WDPCP: variants seen among roughly 807,000 people sequenced by gnomAD.
The protein encoded by WDPCP is WD repeat containing planar cell polarity effector.
A neutral mutation model predicts 93.1 loss-of-function variants in WDPCP; 71 were observed. The ratio of observed to expected loss-of-function variants is 0.76; its 90% CI spans 0.63 to 0.93. The LOEUF (loss-of-function observed/expected upper bound fraction) is 0.93, where lower values mean the gene tolerates loss of function less well. Among genes scored for constraint, WDPCP ranks in the 40% least tolerant of loss-of-function variants. The pLI, the probability that WDPCP is intolerant of heterozygous loss-of-function variation, is 0.00. For missense variants in WDPCP, 844 were observed against 887.4 expected (o/e 0.95, Z 0.62); for synonymous variants, 315 against 315.0 (o/e 1.00, Z 0.00).
intron 9 of WDPCP, among the ~76,000 whole-genome samples, chr2:63,421,733 G>T (rs1695877141): frequency 6.6e-6 from 1 of 151,928 alleles, no homozygotes; most frequent in Admixed American, 6.6e-5. Flanking sequence ...TAAACTAAAG[G>T]GCAAAACCCA....
At chr2:63,815,443 T>C (rs557879454) in intron 1 of WDPCP, among the ~76,000 whole-genome samples, 55 of 152,344 alleles carry the variant, frequency 3.6e-4, no homozygotes, top group African/African-American at 1.2e-3. Context: ...TAAGATACTC[T>C]TTTCCTTATT....
Position 63,259,006 on chromosome 2 carries a change from G to T in WDPCP, c.1915+301C>A, listed in dbSNP as rs181053839. On this transcript the variant is annotated intron_variant, in intron 14 of 17. Transcript: ENST00000272321. The stretch of plus-strand genomic sequence containing the variant: ...TAAATTTCTGTGTTGGTTAATTTTA[G>T]TAACAGCACTATGATAATACTAAGC... Among the ~76,000 whole-genome samples, 325 of 152,214 alleles carry T rather than the reference G, an allele frequency of 2.1e-3. 1 individual carries two copies. Among genetic ancestry groups the T allele is most frequent in the Non-Finnish European group, 3.7e-3 (250 of 68,000 alleles).
At chr2:63,614,856 T>C (rs1435478258) in intron 3 of WDPCP, among the ~76,000 whole-genome samples, 2 of 152,240 alleles carry the variant, frequency 1.3e-5, no homozygotes, top group African/African-American at 4.8e-5. Context: ...CATTAGATCA[T>C]ACCCTGTATC....
intron 1 of WDPCP, 131 bp downstream of exon 1, chr2:63,588,066 C>T: frequency 8.7e-7 from 1 of 1,148,062 alleles, no homozygotes; most frequent in Non-Finnish European, 1.3e-6. Context: ...CCCTCATACT[C>T]CGCTCAGAAA....
intron 1 of WDPCP, among the ~76,000 whole-genome samples, chr2:63,826,028 C>T (rs983785368): frequency 3.3e-5 from 5 of 151,994 alleles, no homozygotes. Context: ...ACAAATATTT[C>T]CTGACACAAA....
chr2:63,828,800 T>C (rs180805534), upstream of WDPCP, among the ~76,000 whole-genome samples: 213 of 152,310 alleles, frequency 1.4e-3, no homozygotes, highest in Admixed American at 3.8e-3. Flanking sequence ...TGTTTTAAAC[T>C]CTTGCCCCTG....
intron 13 of WDPCP, among the ~76,000 whole-genome samples, chr2:63,265,779 C>A (rs189691465): frequency 1.9e-4 from 29 of 152,198 alleles, no homozygotes; most frequent in Non-Finnish European, 2.1e-4. Flanking sequence ...ACTATCAAAC[C>A]AAATTCAGTG....
chr2:63,296,868 C>A (rs1219194401), intron 13 of WDPCP, among the ~76,000 whole-genome samples: 1 of 152,066 alleles, frequency 6.6e-6, no homozygotes, highest in African/African-American at 2.4e-5. Context: ...CCACACAGCC[C>A]AAAGCAATCT....
intron 2 of WDPCP, among the ~76,000 whole-genome samples, chr2:63,688,378 G>A (rs1668841318): frequency 6.6e-6 from 1 of 151,660 alleles, no homozygotes; most frequent in Non-Finnish European, 1.5e-5. Flanking sequence ...AGTGAGCCGA[G>A]ATCGCTCCAC....
chr2:63,549,435 G>T (rs947462843), intron 1 of WDPCP, among the ~76,000 whole-genome samples: 1 of 151,168 alleles, frequency 6.6e-6, no homozygotes, highest in Non-Finnish European at 1.5e-5. Flanking sequence ...ATGGAAACTA[G>T]AAAAAAAAAT....
chr2:63,665,354 C>T (rs1263797995), intron 2 of WDPCP, among the ~76,000 whole-genome samples: 3 of 152,128 alleles, frequency 2.0e-5, no homozygotes, highest in Non-Finnish European at 4.4e-5. Flanking sequence ...ATGCATCGTC[C>T]CAATCTCTGC....
At chr2:63,386,699 A>C (rs1692754669) in intron 10 of WDPCP, among the ~76,000 whole-genome samples, 1 of 152,086 alleles carries the variant, frequency 6.6e-6, no homozygotes, top group South Asian at 2.1e-4. Flanking sequence ...AAGAGAAATG[A>C]AAATATATGT....
chr2:63,460,918 G>A (rs572141294), intron 6 of WDPCP, among the ~76,000 whole-genome samples: 149 of 152,144 alleles, frequency 9.8e-4, no homozygotes, highest in Non-Finnish European at 6.6e-4. Context: ...GAGCCACTGC[G>A]CCCAGCCACT....
At chr2:63,296,797 CA>C (rs143853624) in intron 13 of WDPCP, among the ~76,000 whole-genome samples, 24,430 of 151,662 alleles carry the variant, frequency 0.16, 2,626 homozygotes, top group Non-Finnish European at 0.21. Flanking sequence ...ACAGATGATA[CA>C]AAAAAAATGG....
intron 2 of WDPCP, chr2:63,717,574 T>C: frequency 1.9e-6 from 1 of 520,764 alleles, no homozygotes; most frequent in Non-Finnish European, 3.9e-6. Flanking sequence ...GAAGACTGAT[T>C]CATGGTATAC....
At chr2:63,823,324 G>A (rs899397336) in intron 1 of WDPCP, among the ~76,000 whole-genome samples, 3 of 151,796 alleles carry the variant, frequency 2.0e-5, no homozygotes, top group Non-Finnish European at 4.4e-5. Context: ...TGGTCAATAC[G>A]GTGATACCCC....
intron 15 of WDPCP, among the ~76,000 whole-genome samples, chr2:63,158,386 A>G (rs761964800): frequency 2.0e-5 from 3 of 152,076 alleles, no homozygotes; most frequent in Non-Finnish European, 2.9e-5. Context: ...TTTTTCTTAT[A>G]TATTATGACA....
intron 10 of WDPCP, among the ~76,000 whole-genome samples, chr2:63,387,204 C>A (rs1575296570): frequency 6.6e-6 from 1 of 152,176 alleles, no homozygotes; most frequent in Non-Finnish European, 1.5e-5. Flanking sequence ...TGGCCAATAT[C>A]CTTGATACAC....
At chr2:63,722,659 G>GA (rs1439438364) in intron 2 of WDPCP, among the ~76,000 whole-genome samples, 1 of 129,182 alleles carries the variant, frequency 7.7e-6, no homozygotes, top group Admixed American at 7.7e-5. Context: ...GAGGGAGGTG[G>GA]GGGGGGGTCA....
Sources: gnomAD v4.1 joint callset for allele counts (sites outside exome capture counted in the v4.1 genomes callset) on GRCh38, gnomAD v4.1.1 for gene constraint, MANE v1.5 for transcripts, NCBI Gene and HGNC (gene_info 2026-07-23, HGNC 2026-07-21) for gene names.